CTNNA3: variants seen among roughly 807,000 people sequenced by gnomAD.
The protein encoded by CTNNA3 is catenin alpha 3.
Under a neutral mutation model 95.7 loss-of-function variants are expected in CTNNA3, and 76 were observed. That is an observed-to-expected ratio of 0.79 (90% CI 0.66 to 0.96). CTNNA3 has a LOEUF of 0.96. Among genes scored for constraint, CTNNA3 ranks in the 40% least tolerant of loss-of-function variants. The pLI, the probability that CTNNA3 is intolerant of heterozygous loss-of-function variation, is 0.00. For missense variants in CTNNA3, 1,191 were observed against 1,089.8 expected (o/e 1.09, Z -1.31); for synonymous variants, 431 against 374.4 (o/e 1.15, Z -1.74).
chr10:67,028,822 T>G (rs1188904615), intron 7 of CTNNA3, among the ~76,000 whole-genome samples: 2 of 152,130 alleles, frequency 1.3e-5, no homozygotes, highest in Non-Finnish European at 2.9e-5. Context: ...GTAATTACAT[T>G]AGGAAGATAG....
intron 7 of CTNNA3, among the ~76,000 whole-genome samples, chr10:67,102,538 C>T (rs925155968): frequency 6.6e-6 from 1 of 151,768 alleles, no homozygotes; most frequent in African/African-American, 2.4e-5. Context: ...CAGAGTGCCT[C>T]AACCATCTAG....
At chr10:65,984,878 T>A (rs2078395408) in intron 16 of CTNNA3, among the ~76,000 whole-genome samples, 1 of 151,258 alleles carries the variant, frequency 6.6e-6, no homozygotes, top group Non-Finnish European at 1.5e-5. Context: ...GCAATAAGAT[T>A]CTAAAATAAA....
rs1374161903 is a variant in CTNNA3, at chr10:65,915,631, C to T, written c.*4699G>A. ...TAAAGCATCTCGTCTCAGAATAAAA[C>T]TTATGGTCGGCCCCACAGCCCATCT... On this transcript the variant is annotated 3_prime_UTR_variant, in exon 18 of 18. Transcript: ENST00000433211. The T allele has an allele frequency of 6.6e-6, 1 of 152,112 alleles. No individual in the cohort carries two copies. The highest frequency in any genetic ancestry group is 1.5e-5 in the Non-Finnish European group (1 of 68,024). The allele number at this position is 152,112 out of a possible 1,614,324, so 9.4% of individuals were successfully genotyped here. A position where few individuals can be genotyped will look rare whatever the true frequency, so the allele number is the denominator to read the frequency against.
At chr10:66,698,317 T>C (rs1847834280) in intron 9 of CTNNA3, among the ~76,000 whole-genome samples, 1 of 152,206 alleles carries the variant, frequency 6.6e-6, no homozygotes, top group African/African-American at 2.4e-5. Context: ...CATCTGCTCC[T>C]CTTCACATGG....
At chr10:67,299,721 T>A (rs1251837201) in intron 5 of CTNNA3, among the ~76,000 whole-genome samples, 2 of 152,206 alleles carry the variant, frequency 1.3e-5, no homozygotes, top group Non-Finnish European at 2.9e-5. Context: ...TAGAAATATG[T>A]TTAGAGATGG....
At chr10:67,562,627 A>T (rs1445279648) in intron 3 of CTNNA3, among the ~76,000 whole-genome samples, 1 of 152,184 alleles carries the variant, frequency 6.6e-6, no homozygotes, top group Non-Finnish European at 1.5e-5. Flanking sequence ...TAGTGTTGGA[A>T]GTTCTGGCCA....
rs972518798 is a variant in CTNNA3, at chr10:66,492,428, C to T, written c.1531+28189G>A. Among the ~76,000 whole-genome samples, 6 of 150,390 alleles carry T rather than the reference C, an allele frequency of 4.0e-5. No homozygotes were observed. The East Asian group carries it at 1.2e-3, about 31-fold the overall frequency. On this transcript the variant is annotated intron_variant, in intron 11 of 17. Transcript: ENST00000433211. ...CCTCCTGAGTAGCTGGGACTACAGG[C>T]GCACGCCACAAGGCCCAGCTAATTT...
chr10:67,603,631 A>C (rs1045559760), intron 3 of CTNNA3, among the ~76,000 whole-genome samples: 2 of 152,074 alleles, frequency 1.3e-5, no homozygotes, highest in South Asian at 4.1e-4. Flanking sequence ...AAAAATGTAA[A>C]AAAGAAAAAA....
intron 5 of CTNNA3, among the ~76,000 whole-genome samples, chr10:67,222,733 AT>A (rs1389479678): frequency 6.6e-6 from 1 of 152,180 alleles, no homozygotes; most frequent in Non-Finnish European, 1.5e-5. Flanking sequence ...GGTAAGGCAA[AT>A]TCTCTGATAT....
chr10:66,908,962 A>G (rs1045154445), intron 7 of CTNNA3, among the ~76,000 whole-genome samples: 2 of 152,190 alleles, frequency 1.3e-5, no homozygotes, highest in African/African-American at 4.8e-5. Context: ...CAGATTACAA[A>G]CAGTCATTTA....
At chr10:67,253,305 G>A (rs1866183598) in intron 5 of CTNNA3, among the ~76,000 whole-genome samples, 1 of 152,100 alleles carries the variant, frequency 6.6e-6, no homozygotes, top group Non-Finnish European at 1.5e-5. Context: ...ATTTCAAAAT[G>A]TTATGCAGAA....
At chr10:66,788,832 A>T (rs1840852392) in intron 7 of CTNNA3, among the ~76,000 whole-genome samples, 1 of 152,190 alleles carries the variant, frequency 6.6e-6, no homozygotes, top group Non-Finnish European at 1.5e-5. Context: ...ACTCACTCAT[A>T]TACATTATAA....
chr10:67,135,517 A>G (rs925520110), intron 7 of CTNNA3, among the ~76,000 whole-genome samples: 4 of 152,080 alleles, frequency 2.6e-5, no homozygotes, highest in African/African-American at 7.2e-5. Flanking sequence ...TTAAAATAAA[A>G]TAAAATAATT....
At chr10:66,467,520 T>A (rs993467053) in intron 11 of CTNNA3, among the ~76,000 whole-genome samples, 3 of 152,026 alleles carry the variant, frequency 2.0e-5, no homozygotes, top group African/African-American at 7.2e-5. Flanking sequence ...TGCCAGTGAC[T>A]GGTTTAAGAA....
intron 14 of CTNNA3, among the ~76,000 whole-genome samples, chr10:66,091,610 T>TA (rs1269885690): frequency 6.6e-6 from 1 of 151,860 alleles, no homozygotes; most frequent in East Asian, 1.9e-4. Context: ...AGCAAATATG[T>TA]AATACATCAG....
At chr10:66,673,581 A>T (rs1315876637) in intron 9 of CTNNA3, among the ~76,000 whole-genome samples, 1 of 152,084 alleles carries the variant, frequency 6.6e-6, no homozygotes, top group African/African-American at 2.4e-5. Flanking sequence ...TATTAAGAAT[A>T]TCTTTACTGG....
At chr10:67,713,187 T>C (rs553472388) in intron 1 of CTNNA3, among the ~76,000 whole-genome samples, 1 of 152,266 alleles carries the variant, frequency 6.6e-6, no homozygotes, top group South Asian at 2.1e-4. Flanking sequence ...GAAAAAAAGC[T>C]CATCATCACT....
chr10:66,727,681 AGT>A (rs1848822498), intron 9 of CTNNA3, among the ~76,000 whole-genome samples: 1 of 152,134 alleles, frequency 6.6e-6, no homozygotes, highest in Non-Finnish European at 1.5e-5. Flanking sequence ...TAAATTAATG[AGT>A]GGAATGTTGA....
intron 7 of CTNNA3, among the ~76,000 whole-genome samples, chr10:67,120,236 T>G (rs1228627305): frequency 6.6e-6 from 1 of 151,982 alleles, no homozygotes; most frequent in Non-Finnish European, 1.5e-5. Flanking sequence ...TAATCCATTG[T>G]GTATTATATT....
Sources: allele counts gnomAD v4.1 joint callset (sites outside exome capture counted in the v4.1 genomes callset), GRCh38; gene constraint gnomAD v4.1.1; transcripts MANE v1.5; gene names NCBI Gene and HGNC (gene_info 2026-07-23, HGNC 2026-07-21).